RHOBTB1: variants seen among roughly 807,000 people sequenced by gnomAD.
The protein encoded by RHOBTB1 is Rho related BTB domain containing 1.
RHOBTB1 carries 40 observed loss-of-function variants against 71.6 expected under a neutral mutation model. That is an observed-to-expected ratio of 0.56 (90% CI 0.43 to 0.73). The LOEUF is 0.73. RHOBTB1 is among the 30% of genes least tolerant of loss of function. RHOBTB1 has a pLI of 0.00. For synonymous variants in RHOBTB1, 319 were observed against 334.9 expected, an observed-to-expected ratio of 0.95 and a Z score of 0.52; for missense variants, 797 against 894.0, an observed-to-expected ratio of 0.89 and a Z score of 1.38.
At chr10:60,888,171 C>T in intron 6 of RHOBTB1, 41 bp downstream of exon 6, 2 of 1,575,566 alleles carry the variant, frequency 1.3e-6, no homozygotes, top group Non-Finnish European at 1.7e-6. Flanking sequence ...CAATGAAACA[C>T]AATCAAAGGT....
In RHOBTB1 at chr10:60,888,952, G is replaced by A. The variant is rs756288413; in HGVS notation, c.716C>T (p.Pro239Leu). Residue 239 changes from proline to leucine, a missense_variant, in exon 6 of 11, where the codon CCT (proline) becomes CTT (leucine). Physicochemically the swap from Pro to Leu is moderately conservative, Grantham distance 98. Transcript: ENST00000337910. Reference protein sequence around the residue: ...LQAPFLPPKAPPPVIKIPECP... With the variant: ...LQAPFLPPKALPPVIKIPECP... Reference sequence around the variant, plus strand: ...CTCTGGAATTTTGATGACCGGTGGAGGGGCTTTTGGAGGTAGGAAGGGTGC... The same window carrying A: ...CTCTGGAATTTTGATGACCGGTGGAAGGGCTTTTGGAGGTAGGAAGGGTGC... 4.3e-6 allele frequency: 7 copies of A among 1,614,044 alleles called. No individual in the cohort carries two copies. The highest frequency in any genetic ancestry group is 5.9e-6 in the Non-Finnish European group (7 of 1,180,028).
At chr10:60,997,375 T>A (rs936669431) in intron 1 of RHOBTB1, among the ~76,000 whole-genome samples, 1 of 152,214 alleles carries the variant, frequency 6.6e-6, no homozygotes, top group Non-Finnish European at 1.5e-5. Context: ...AATTCAGAAC[T>A]GTGCATAATG....
intron 2 of RHOBTB1, among the ~76,000 whole-genome samples, chr10:60,956,114 C>T (rs1330228341): frequency 1.3e-5 from 2 of 152,276 alleles, no homozygotes; most frequent in East Asian, 3.9e-4. Context: ...TAGCCTACTA[C>T]ACACCTAGGC....
At chr10:60,891,757 G>A (rs1253609047) in intron 5 of RHOBTB1, among the ~76,000 whole-genome samples, 1 of 151,982 alleles carries the variant, frequency 6.6e-6, no homozygotes, top group Non-Finnish European at 1.5e-5. Context: ...GGATTTGAGG[G>A]AACTGACATT....
chr10:60,891,334 C>CTTTTTTT lies in RHOBTB1; in HGVS notation c.482+1469_482+1475dup, dbSNP rs756153141. Among the ~76,000 whole-genome samples, 166 of 71,294 alleles carry CTTTTTTT rather than the reference C, an allele frequency of 2.3e-3. 3 individuals are homozygous for CTTTTTTT. Among genetic ancestry groups the CTTTTTTT allele is most frequent in the East Asian group, 3.0e-3 (6 of 1,996 alleles). 46.8% of individuals were successfully genotyped at this position (71,294 alleles called of 152,430 possible). ...GGATTTTTGTTGTTGTTGCTGTTTG[C>CTTTTTTT]TTTTTTTTTTTTTTTTTTTTTTTTG... On this transcript the variant is annotated intron_variant, in intron 5 of 10. Coordinates refer to ENST00000337910, the MANE Select transcript of RHOBTB1 (RefSeq NM_014836.5).
intron 2 of RHOBTB1, among the ~76,000 whole-genome samples, chr10:60,970,961 C>T (rs929905489): frequency 9.9e-5 from 15 of 151,930 alleles, no homozygotes; most frequent in African/African-American, 2.2e-4. Flanking sequence ...ATTTTTATTT[C>T]GGTAAAACTT....
At chr10:60,957,290 T>TGTATTAATATGTATTA (rs2085627401) in intron 2 of RHOBTB1, among the ~76,000 whole-genome samples, 2 of 152,240 alleles carry the variant, frequency 1.3e-5, no homozygotes, top group Admixed American at 1.3e-4. Context: ...TAATATGTTC[T>TGTATTAATATGTATTA]ATACTTTTAT....
At chr10:60,891,885 G>T (rs1414836798) in intron 5 of RHOBTB1, among the ~76,000 whole-genome samples, 1 of 152,128 alleles carries the variant, frequency 6.6e-6, no homozygotes, top group East Asian at 1.9e-4. Flanking sequence ...AAAGGTAACT[G>T]AATCGTGGGG....
At chr10:60,929,413 T>A (rs2084094852) in intron 2 of RHOBTB1, among the ~76,000 whole-genome samples, 1 of 152,178 alleles carries the variant, frequency 6.6e-6, no homozygotes. Context: ...ATAAAGTTGT[T>A]CTTAGATATC....
intron 2 of RHOBTB1, among the ~76,000 whole-genome samples, chr10:60,973,564 T>C (rs2086228860): frequency 6.6e-6 from 1 of 151,764 alleles, no homozygotes; most frequent in Non-Finnish European, 1.5e-5. Context: ...GCTTGCTGAG[T>C]TTCATATTCA....
At chr10:60,906,803 GA>G (rs140787698) in intron 4 of RHOBTB1, among the ~76,000 whole-genome samples, 2,542 of 147,964 alleles carry the variant, frequency 0.017, 32 homozygotes, top group African/African-American at 0.039. Context: ...TTTTATAGGG[GA>G]AAAAAAAAAC....
intron 2 of RHOBTB1, among the ~76,000 whole-genome samples, chr10:60,979,303 G>C (rs2086417839): frequency 6.6e-6 from 1 of 152,090 alleles, no homozygotes; most frequent in Non-Finnish European, 1.5e-5. Flanking sequence ...GGTGATAACA[G>C]TGTCTTGCCC....
chr10:60,884,314 C>A (rs564247645), intron 7 of RHOBTB1, among the ~76,000 whole-genome samples: 49 of 152,268 alleles, frequency 3.2e-4, no homozygotes, highest in African/African-American at 1.1e-3. Context: ...TTTTGCATTT[C>A]TTTGAAAAGT....
At chr10:60,971,695 G>A (rs1212570610) in intron 2 of RHOBTB1, among the ~76,000 whole-genome samples, 1 of 151,986 alleles carries the variant, frequency 6.6e-6, no homozygotes, top group Non-Finnish European at 1.5e-5. Context: ...TTGACAAAAG[G>A]GATCTAACTA....
At chr10:60,895,752 C>G (rs1009356401) in intron 4 of RHOBTB1, among the ~76,000 whole-genome samples, 3 of 152,210 alleles carry the variant, frequency 2.0e-5, no homozygotes, top group African/African-American at 4.8e-5. Context: ...TGTGGTTAAC[C>G]CTTGTTGATC....
intron 4 of RHOBTB1, among the ~76,000 whole-genome samples, chr10:60,903,719 G>C (rs1167888584): frequency 6.6e-6 from 1 of 152,046 alleles, no homozygotes; most frequent in East Asian, 1.9e-4. Context: ...AGGCAGGGGG[G>C]GTTCTATCTC....
chr10:60,990,025 T>A (rs946696036), intron 1 of RHOBTB1, among the ~76,000 whole-genome samples: 2 of 141,898 alleles, frequency 1.4e-5, no homozygotes, highest in Non-Finnish European at 3.1e-5. Flanking sequence ...TTCTGTCGCC[T>A]AGGCTGGAGT....
rs995666213 is a variant in RHOBTB1, at chr10:60,885,500, T to C, written c.1575+612A>G. Among the ~76,000 whole-genome samples the C allele has an allele frequency of 3.9e-5, 6 of 152,156 alleles. No individual in the cohort carries two copies. The South Asian group carries it at 6.2e-4, about 16-fold the overall frequency. On this transcript the variant is annotated intron_variant, in intron 7 of 10. Coordinates refer to ENST00000337910, the MANE Select transcript of RHOBTB1 (RefSeq NM_014836.5). ...AACATTTGCTCCATTACTGTTGCCC[T>C]AAAGTTAACAAACCCTCATATCCCC... is the stretch of plus-strand genomic sequence containing the variant.
upstream of RHOBTB1, among the ~76,000 whole-genome samples, chr10:60,945,810 G>T (rs933462849): frequency 6.6e-6 from 1 of 152,224 alleles, no homozygotes; most frequent in African/African-American, 2.4e-5. Flanking sequence ...CAGAAAGAGA[G>T]GGTAGTGAAA....
Sources: gnomAD v4.1 joint callset for allele counts (sites outside exome capture counted in the v4.1 genomes callset) on GRCh38, gnomAD v4.1.1 for gene constraint, MANE v1.5 for transcripts, NCBI Gene and HGNC (gene_info 2026-07-23, HGNC 2026-07-21) for gene names.